The following TMEM150B variants were observed in gnomAD, a reference collection of about 807,000 sequenced individuals.
The protein encoded by TMEM150B is transmembrane protein 150B, also known as modulator of macroautophagy TMEM150B.
Under a neutral mutation model 25.2 loss-of-function variants are expected in TMEM150B, and 33 were observed. That is an observed-to-expected ratio of 1.31 (90% CI 0.99 to 1.75). The LOEUF (loss-of-function observed/expected upper bound fraction) is 1.75. Among genes scored for constraint, TMEM150B ranks in the 40% most tolerant of loss-of-function variants. The pLI is 0.00. For synonymous variants in TMEM150B, 133 were observed against 134.8 expected, an observed-to-expected ratio of 0.99 and a Z score of 0.09; for missense variants, 322 against 306.1, an observed-to-expected ratio of 1.05 and a Z score of -0.39.
chr19:55,320,049 C>A lies in TMEM150B; in HGVS notation c.314G>T (p.Gly105Val). 6.2e-7 allele frequency: 1 copy of A among 1,614,098 alleles called. No homozygotes were observed. The highest frequency in any genetic ancestry group is 8.5e-7 in the Non-Finnish European group (1 of 1,180,026). ...LLCALGTSVV[G>V]NFQEKNQRPT... ...CCGACTGGGTCTCACCTGGAAATTG[C>A]CTACCACGGAGGTGCCCAGGGCACA... The change falls in exon 6 of 8, where the codon GGC (glycine) becomes GTC (valine). Residue 105 changes from glycine (G) to valine (V), a missense_variant. Transcript: ENST00000326652.
At chr19:55,314,483 G>A (rs923071385) in intron 7 of TMEM150B, among the ~76,000 whole-genome samples, 6 of 152,214 alleles carry the variant, frequency 3.9e-5, no homozygotes, top group Middle Eastern at 3.4e-3. Flanking sequence ...CAACCTCCCA[G>A]CCCACGAGCA....
chr19:55,312,110 C>G, downstream of TMEM150B: 1 of 879,922 alleles, frequency 1.1e-6, no homozygotes. Context: ...CTCCACCCCC[C>G]TTCCGTGCCC....
At position 55,322,954 on chromosome 19, in the gene TMEM150B, G is replaced by T. The variant is rs115787241; in HGVS notation, c.-153-211C>A. 6.4e-3 allele frequency among the ~76,000 whole-genome samples: 976 copies of T among 152,004 alleles called. 10 individuals are homozygous for T. Among genetic ancestry groups the T allele is most frequent in the African/African-American group, 0.022 (925 of 41,438 alleles). On this transcript the variant is annotated intron_variant, in intron 1 of 7. Transcript: ENST00000326652. ...CCCTATCCTCCCCTGGACTCAGATC[G>T]GAGCCTCCACCCTTGGGGACCCAGG...
intron 6 of TMEM150B, 164 bp downstream of exon 6, chr19:55,319,875 G>T: frequency 6.9e-7 from 1 of 1,439,958 alleles, no homozygotes; most frequent in Non-Finnish European, 9.1e-7. Context: ...GAGAGCAAAG[G>T]AATCCAGCCG....
intron 7 of TMEM150B, among the ~76,000 whole-genome samples, chr19:55,316,531 G>A (rs1282307319): frequency 1.3e-5 from 2 of 151,898 alleles, no homozygotes; most frequent in Admixed American, 6.6e-5. Context: ...CCACATTTGA[G>A]GGATGACGAA....
At position 55,320,085 on chromosome 19, in the gene TMEM150B, G is replaced by A. The variant is rs370333754; in HGVS notation, c.278C>T (p.Thr93Met). Reference sequence around the variant, plus strand: ...GGTGCCCAGGGCACACAGAAGACCCGTCCATAGGATCAGCTGGTTAGGCCA... The same window carrying A: ...GGTGCCCAGGGCACACAGAAGACCCATCCATAGGATCAGCTGGTTAGGCCA... ...RRWPNQLILWTGLLCALGTSV... is the reference protein window; with the variant it reads ...RRWPNQLILWMGLLCALGTSV... The change falls in exon 6 of 8, where the codon ACG becomes ATG. Residue 93 changes from threonine to methionine, a missense_variant. Coordinates refer to ENST00000326652, the MANE Select transcript of TMEM150B (RefSeq NM_001282011.2). 1.2e-5 allele frequency: 20 copies of A among 1,614,160 alleles called. No individual in the cohort carries two copies. The highest frequency in any genetic ancestry group is 1.1e-4 in the East Asian group (5 of 44,870).
intron 6 of TMEM150B, among the ~76,000 whole-genome samples, chr19:55,319,045 C>A (rs1180616976): frequency 6.6e-6 from 1 of 152,068 alleles, no homozygotes. Flanking sequence ...GGGCTCAAGC[C>A]TCAGCCTCCA....
chr19:55,316,246 G>C (rs758686474), intron 7 of TMEM150B, among the ~76,000 whole-genome samples: 26 of 152,250 alleles, frequency 1.7e-4, no homozygotes, highest in Non-Finnish European at 3.2e-4. Context: ...TTCACAGAAT[G>C]CCTCTCAGAG....
rs1327315162 is a variant in TMEM150B, at chr19:55,322,252, C to T, written c.-58+396G>A. 3.9e-5 allele frequency among the ~76,000 whole-genome samples: 6 copies of T among 152,228 alleles called. No individual in the cohort carries two copies. The East Asian group carries it at 7.7e-4, about 20-fold the overall frequency. ...GAGTCCCTCCTGCCTCTGACACTCA[C>T]GAGGTCCAGACCCCAAGATAGCCCA... On this transcript the variant is annotated intron_variant, in intron 2 of 7. Transcript: ENST00000326652.
chr19:55,324,600 A>G (rs1042126332), intron 1 of TMEM150B: 17 of 570,600 alleles, frequency 3.0e-5, no homozygotes, highest in Non-Finnish European at 3.8e-5. Flanking sequence ...GTGAGCCGAG[A>G]TCGCACCACT....
At position 55,320,171 on chromosome 19, in the gene TMEM150B, G is replaced by T. The variant is rs923027423; in HGVS notation, c.197-5C>A. 56 of 1,613,520 alleles carry T rather than the reference G, an allele frequency of 3.5e-5. No homozygotes were observed. Among genetic ancestry groups the T allele is most frequent in the Non-Finnish European group, 4.2e-5 (50 of 1,179,740 alleles). On this transcript the variant is annotated splice_region_variant and splice_polypyrimidine_tract_variant and intron_variant, in intron 5 of 7. Coordinates refer to ENST00000326652, the MANE Select transcript of TMEM150B (RefSeq NM_001282011.2). ...GGACAATGCAGATCCACGCGGCTGG[G>T]AGTAGAGGGGAGAAGGAAGTGGGAG... is the stretch of plus-strand genomic sequence containing the variant.
chr19:55,316,344 G>A lies in TMEM150B; in HGVS notation c.505+442C>T, dbSNP rs1435377157. Among the ~76,000 whole-genome samples the A allele has an allele frequency of 4.1e-5, 5 of 120,530 alleles. No homozygotes were observed. In the East Asian group the frequency reaches 5.9e-4, roughly 14 times the overall value. 79.1% of individuals were successfully genotyped at this position (120,530 alleles called of 152,430 possible). ...CGAAAGACTTTTCCTGTCTGAACCC[G>A]TCTTCACTCGTAACCACATGATTCC... On this transcript the variant is annotated intron_variant, in intron 7 of 7. Transcript: ENST00000326652.
intron 3 of TMEM150B, 127 bp downstream of exon 3, chr19:55,320,840 CCT>C (rs1366958258): frequency 8.0e-7 from 1 of 1,247,592 alleles, no homozygotes; most frequent in Non-Finnish European, 1.1e-6. Flanking sequence ...GGAGTCCAGG[CCT>C]CCAGCTCCTC....
chr19:55,313,190 TC>T, intron 7 of TMEM150B, 135 bp from the exon 8 acceptor site: 1 of 887,150 alleles, frequency 1.1e-6, no homozygotes, highest in South Asian at 1.8e-5. Flanking sequence ...CCGTAGCTCC[TC>T]ACAGACGGGG....
chr19:55,321,030 C>T lies in TMEM150B; in HGVS notation c.7G>A (p.Gly3Ser), dbSNP rs753414925. 23 of 1,613,634 alleles carry T rather than the reference C, an allele frequency of 1.4e-5. No homozygotes were observed. In the Admixed American group the frequency reaches 3.8e-4, roughly 27 times the overall value. The change falls in exon 3 of 8, where the codon GGC becomes AGC. Residue 3 changes from glycine (G) to serine (S), a missense_variant. By Grantham distance (56) the Gly-to-Ser change is moderately conservative. Transcript: ENST00000326652. ...AAGACAGGCATCAGCGACAGGTAGC[C>T]CCACATGCCGGGCTCTGCAGGTGAA... MWGYLSLMPVFLA... is the reference protein window; with the variant it reads MWSYLSLMPVFLA...
In TMEM150B at chr19:55,313,074, C is replaced by A; in HGVS notation, c.506-19G>T. 1.3e-6 allele frequency: 2 copies of A among 1,598,952 alleles called. No homozygotes were observed. The highest frequency in any genetic ancestry group is 1.7e-6 in the Non-Finnish European group (2 of 1,173,272). On this transcript the variant is annotated intron_variant, in intron 7 of 7. Coordinates refer to ENST00000326652, the MANE Select transcript of TMEM150B (RefSeq NM_001282011.2). ...ACGATCACTGCCCCAGGGTCAAGGG[C>A]CACACTGCTACCGTGACAGACGCGG...
downstream of TMEM150B, chr19:55,312,735 T>G: frequency 8.8e-7 from 1 of 1,135,632 alleles, no homozygotes. Flanking sequence ...TCCAGGTCAG[T>G]CAGCGGCAGC....
Position 55,316,889 on chromosome 19 carries a change from C to A in TMEM150B, c.402G>T (p.Gln134His). 1.2e-6 allele frequency: 2 copies of A among 1,606,070 alleles called. No individual in the cohort carries two copies. The highest frequency in any genetic ancestry group is 1.7e-6 in the Non-Finnish European group (2 of 1,177,142). Reference protein sequence around the residue: ...FILGNVYFWLQLLLWRLKRLP... With the variant: ...FILGNVYFWLHLLLWRLKRLP... ...GCCTCTTCAGCCTCCACAGGAGGAG[C>A]TGCAGCCAGAAGTAGACGTTACCCA... Residue 134 changes from glutamine (Q) to histidine (H), a missense_variant, in exon 7 of 8, where the codon CAG becomes CAT. Transcript: ENST00000326652.
downstream of TMEM150B, chr19:55,312,015 G>C (rs1320612968): frequency 3.3e-6 from 5 of 1,517,380 alleles, no homozygotes; most frequent in South Asian, 5.0e-5. Flanking sequence ...TCCCCGCCGA[G>C]GCCCCCCCAA....
Sources: allele counts gnomAD v4.1 joint callset (sites outside exome capture counted in the v4.1 genomes callset), GRCh38; gene constraint gnomAD v4.1.1; transcripts MANE v1.5; gene names NCBI Gene and HGNC (gene_info 2026-07-23, HGNC 2026-07-21).